MTFR2: variants seen among roughly 807,000 people sequenced by gnomAD.
MTFR2 encodes the protein mitochondrial fission regulator 2, also known as DUF729 domain-containing protein 1.
MTFR2 carries 44 observed loss-of-function variants against 41.2 expected under a neutral mutation model. The ratio of observed to expected loss-of-function variants is 1.07; its 90% CI spans 0.84 to 1.37. The LOEUF is 1.37. Among genes scored for constraint, MTFR2 ranks in the 40% most tolerant of loss-of-function variants. The pLI is 0.00. For missense variants in MTFR2, 452 were observed against 459.5 expected (o/e 0.98, Z 0.15); for synonymous variants, 141 against 154.6 (o/e 0.91, Z 0.65).
At chr6:136,240,693 G>A (rs1398009623) in intron 5 of MTFR2, among the ~76,000 whole-genome samples, 2 of 152,136 alleles carry the variant, frequency 1.3e-5, no homozygotes, top group Non-Finnish European at 2.9e-5. Flanking sequence ...AAGTGTAGCA[G>A]CAATAACTAA....
chr6:136,233,648 C>T, intron 6 of MTFR2, 149 bp from the exon 7 acceptor site: 1 of 641,782 alleles, frequency 1.6e-6, no homozygotes, highest in Non-Finnish European at 2.3e-6. Context: ...GAAATTTTCG[C>T]AATGAAATAA....
rs754890654 is a variant in MTFR2 at position 136,233,423 on chromosome 6, C to A, written c.946G>T (p.Ala316Ser). ...TGAAATGCAAATTTCTGTTTAAGTGCATGAGATATTAAAGAAACTGGATCC... is the reference window on the plus strand; with the variant it reads ...TGAAATGCAAATTTCTGTTTAAGTGAATGAGATATTAAAGAAACTGGATCC... ...HWDPVSLISH[A>S]LKQKFAFQED... Residue 316 changes from alanine (A) to serine (S), a missense_variant, in exon 7 of 8, where the codon GCA (alanine) becomes TCA (serine). Physicochemically the swap from Ala to Ser is moderately conservative, Grantham distance 99. Transcript: ENST00000420702. 1.9e-6 allele frequency: 3 copies of A among 1,606,752 alleles called. No homozygotes were observed. The highest frequency in any genetic ancestry group is 3.3e-5 in the Admixed American group (2 of 59,932).
At chr6:136,248,100 C>G (rs746584724) in intron 2 of MTFR2, among the ~76,000 whole-genome samples, 1 of 152,178 alleles carries the variant, frequency 6.6e-6, no homozygotes, top group Non-Finnish European at 1.5e-5. Flanking sequence ...TCCTTGACTA[C>G]TTTCTTCTAA....
chr6:136,237,452 TAAGACCAAC>T (rs1779936990), intron 6 of MTFR2, among the ~76,000 whole-genome samples: 2 of 152,156 alleles, frequency 1.3e-5, no homozygotes. Flanking sequence ...GTCAGTGGGA[TAAGACCAAC>T]AAAACCAAAA....
At position 136,231,785 on chromosome 6, in the gene MTFR2, C is replaced by T. The variant is rs146860687; in HGVS notation, c.1045-397G>A. Among the ~76,000 whole-genome samples, 244 of 151,770 alleles carry T rather than the reference C, an allele frequency of 1.6e-3. 2 individuals are homozygous for T. Among genetic ancestry groups the T allele is most frequent in the African/African-American group, 5.5e-3 (229 of 41,288 alleles). On this transcript the variant is annotated intron_variant, in intron 7 of 7. Coordinates refer to ENST00000420702, the MANE Select transcript of MTFR2 (RefSeq NM_001099286.3). ...AGTAAATGACAACCTAGAAACACTTCGTTTATCCACTATCACTGGGAAACA... is the reference window on the plus strand; with the variant it reads ...AGTAAATGACAACCTAGAAACACTTTGTTTATCCACTATCACTGGGAAACA...
rs140221512 is a variant in MTFR2, at chr6:136,241,614, C to T, written c.344G>A (p.Arg115Gln). Residue 115 changes from arginine to glutamine, a missense_variant, in exon 5 of 8, where the codon CGG becomes CAG. Transcript: ENST00000420702. ...VEIFHPLRLV[R>Q]DPLSPAVRQK... Reference sequence around the variant, plus strand: ...TCTTACAGCAGGTGACAGTGGATCCCGAACTAGTCGCAAAGGATGAAAAAT... The same window carrying T: ...TCTTACAGCAGGTGACAGTGGATCCTGAACTAGTCGCAAAGGATGAAAAAT... The T allele has an allele frequency of 4.0e-5, 64 of 1,613,936 alleles. No individual in the cohort carries two copies. The highest frequency in any genetic ancestry group is 3.9e-4 in the African/African-American group (29 of 74,964).
chr6:136,243,581 A>G (rs931717214), intron 3 of MTFR2, among the ~76,000 whole-genome samples: 4 of 151,714 alleles, frequency 2.6e-5, no homozygotes, highest in African/African-American at 9.7e-5. Flanking sequence ...GGTGGTGCAC[A>G]CCTCCCAAGT....
intron 4 of MTFR2, 29 bp downstream of exon 4, chr6:136,242,832 C>T (rs1321755609): frequency 6.5e-6 from 10 of 1,534,158 alleles, no homozygotes; most frequent in Admixed American, 5.4e-5. Flanking sequence ...GTTTATAGCC[C>T]ACTTCCCAAG....
chr6:136,249,307 T>G lies in MTFR2; in HGVS notation c.-54-154A>C, dbSNP rs78548189. Among the ~76,000 whole-genome samples the G allele has an allele frequency of 7.5e-3, 1,138 of 152,228 alleles. 16 individuals carry two copies. The highest frequency in any genetic ancestry group is 0.026 in the African/African-American group (1,061 of 41,508). Reference sequence around the variant, plus strand: ...CAGAGAAAAAGAAAGGAAGGGGAAGTCTGGGGGAAAGAGAGGGTTGTAAAG... The same window carrying G: ...CAGAGAAAAAGAAAGGAAGGGGAAGGCTGGGGGAAAGAGAGGGTTGTAAAG... On this transcript the variant is annotated intron_variant, in intron 1 of 7. Coordinates refer to ENST00000420702, the MANE Select transcript of MTFR2 (RefSeq NM_001099286.3).
chr6:136,237,006 C>T (rs1244093850), intron 6 of MTFR2, among the ~76,000 whole-genome samples: 1 of 152,176 alleles, frequency 6.6e-6, no homozygotes, highest in Non-Finnish European at 1.5e-5. Flanking sequence ...GGGGCGTGGG[C>T]GCCCTGCTGA....
At chr6:136,236,614 C>A (rs1161814245) in intron 6 of MTFR2, among the ~76,000 whole-genome samples, 1 of 152,132 alleles carries the variant, frequency 6.6e-6, no homozygotes, top group African/African-American at 2.4e-5. Context: ...CACCTACAGC[C>A]ATGAGATTCT....
At position 136,241,444 on chromosome 6, in the gene MTFR2, T is replaced by C; in HGVS notation, c.514A>G (p.Ser172Gly). 2 of 1,609,020 alleles carry C rather than the reference T, an allele frequency of 1.2e-6. No individual in the cohort carries two copies. The highest frequency in any genetic ancestry group is 1.7e-6 in the Non-Finnish European group (2 of 1,176,758). ...AAACAAAAATCCTACTGTTACTTAC[T>C]AGAATTTGTACTATTTTTCAGTTCC... ...MQELKNSTNS[S>G]SFGLSDERIS... Residue 172 changes from serine (S) to glycine (G), a missense_variant and splice_region_variant, in exon 5 of 8, where the codon AGT becomes GGT. By Grantham distance (56) the Ser-to-Gly change is moderately conservative. Coordinates refer to ENST00000420702, the MANE Select transcript of MTFR2 (RefSeq NM_001099286.3).
rs750588838 is a variant in MTFR2, at chr6:136,239,851, T to A, written c.515-31A>T. ...AACAAAGTGGTTTATTACAAAATCA[T>A]GCACAATTATCTCTAACGTAATATA... On this transcript the variant is annotated intron_variant, in intron 5 of 7. Transcript: ENST00000420702. 19 of 1,537,622 alleles carry A rather than the reference T, an allele frequency of 1.2e-5. No homozygotes were observed. In the South Asian group the frequency reaches 2.3e-4, roughly 19 times the overall value.
chr6:136,247,021 C>T (rs1780228516), intron 2 of MTFR2, among the ~76,000 whole-genome samples: 1 of 152,168 alleles, frequency 6.6e-6, no homozygotes, highest in South Asian at 2.1e-4. Context: ...ACTTGACATA[C>T]CTCAACTTCA....
rs897498466 is a variant in MTFR2 at position 136,247,488 on chromosome 6, C to G, written c.63+1549G>C. 2.6e-5 allele frequency: 12 copies of G among 456,136 alleles called. No individual in the cohort carries two copies. In the East Asian group the frequency reaches 8.3e-4, roughly 32 times the overall value. 28.3% of individuals were successfully genotyped at this position (456,136 alleles called of 1,614,324 possible). On this transcript the variant is annotated intron_variant, in intron 2 of 7. Transcript: ENST00000420702. ...TCTCAAAGGCGGTGCTCAATCCTCT[C>G]TCATGTGGATCTTAAATTTCTTCCT... is the stretch of plus-strand genomic sequence containing the variant.
At chr6:136,243,948 T>A (rs1040623755) in intron 3 of MTFR2, among the ~76,000 whole-genome samples, 15 of 151,990 alleles carry the variant, frequency 9.9e-5, no homozygotes, top group Non-Finnish European at 2.1e-4. Flanking sequence ...AAAAAAATTT[T>A]AAAAGTATAA....
chr6:136,242,234 G>C (rs1248916573), intron 4 of MTFR2, among the ~76,000 whole-genome samples: 1 of 152,024 alleles, frequency 6.6e-6, no homozygotes, highest in Admixed American at 6.5e-5. Context: ...TCAGTGACCA[G>C]GGAATGAACA....
rs1475119283 is a variant in MTFR2 at position 136,231,174 on chromosome 6, T to C, written c.*101A>G. The C allele has an allele frequency of 1.4e-6, 1 of 728,920 alleles. No individual in the cohort carries two copies. Among genetic ancestry groups the C allele is most frequent in the Non-Finnish European group, 2.3e-6 (1 of 438,958 alleles). The allele number at this position is 728,920 out of a possible 1,614,324, so 45.2% of individuals were successfully genotyped here. A position where few individuals can be genotyped will look rare whatever the true frequency, so the allele number is the denominator to read the frequency against. ...AAATGTGTCAAGAAGAGTCTTTAAA[T>C]ACATCTACTTTTAGCCTTTAACAGT... On this transcript the variant is annotated 3_prime_UTR_variant, in exon 8 of 8. Coordinates refer to ENST00000420702, the MANE Select transcript of MTFR2 (RefSeq NM_001099286.3).
intron 2 of MTFR2, among the ~76,000 whole-genome samples, chr6:136,248,099 A>G (rs1780259921): frequency 6.6e-6 from 1 of 152,096 alleles, no homozygotes; most frequent in African/African-American, 2.4e-5. Context: ...ATCCTTGACT[A>G]CTTTCTTCTA....
Sources: allele counts gnomAD v4.1 joint callset (sites outside exome capture counted in the v4.1 genomes callset), GRCh38; gene constraint gnomAD v4.1.1; transcripts MANE v1.5; gene names NCBI Gene and HGNC (gene_info 2026-07-23, HGNC 2026-07-21).